SIM1: variants seen among roughly 807,000 people sequenced by gnomAD.
SIM1 encodes the protein single-minded homolog 1.
In SIM1, 18 loss-of-function variants were observed where a neutral mutation model predicts 78.2. The ratio of observed to expected loss-of-function variants is 0.23; its 90% CI spans 0.16 to 0.34. The LOEUF is 0.34. Ranked by LOEUF, SIM1 falls within the 10% of genes least tolerant of loss-of-function variation. The pLI, the probability that SIM1 is intolerant of heterozygous loss-of-function variation, is 1.00. For synonymous variants in SIM1, 417 were observed against 385.2 expected (o/e 1.08, Z -0.97); for missense variants, 939 against 975.1 (o/e 0.96, Z 0.49).
chr6:100,452,075 A>C (rs185394992), intron 3 of SIM1, among the ~76,000 whole-genome samples: 1 of 152,334 alleles, frequency 6.6e-6, no homozygotes, highest in Admixed American at 6.5e-5. Context: ...CAGGCCAACC[A>C]GTGGTGGGGA....
chr6:100,435,368 C>A (rs1180143813), intron 9 of SIM1, among the ~76,000 whole-genome samples: 1 of 152,128 alleles, frequency 6.6e-6, no homozygotes, highest in Non-Finnish European at 1.5e-5. Flanking sequence ...AGAAAGCATG[C>A]CAAAGAGGAA....
intron 9 of SIM1, among the ~76,000 whole-genome samples, chr6:100,443,948 GT>G (rs1772284599): frequency 6.6e-6 from 1 of 151,984 alleles, no homozygotes; most frequent in South Asian, 2.1e-4. Context: ...CAAAGTTTAT[GT>G]TTTAAAATAT....
chr6:100,448,644 T>C lies in SIM1; in HGVS notation c.578A>G (p.Gln193Arg), dbSNP rs770067759. 4.3e-6 allele frequency: 7 copies of C among 1,613,040 alleles called. No homozygotes were observed. The highest frequency in any genetic ancestry group is 3.3e-5 in the South Asian group (3 of 91,088). ...GAAGGGGGACATGTCCAGGCTGTAC[T>C]GGCGGATCTTCAAGTAGCCGCTGCA... The part of the protein sequence containing the change: ...IHCSGYLKIR[Q>R]YSLDMSPFDG... The change falls in exon 7 of 12, where the codon CAG (glutamine) becomes CGG (arginine). Residue 193 changes from glutamine to arginine, a missense_variant. By Grantham distance (43) the Gln-to-Arg change is conservative. Transcript: ENST00000369208.
At chr6:100,426,356 A>G (rs550219227) in intron 9 of SIM1, among the ~76,000 whole-genome samples, 182 of 152,344 alleles carry the variant, frequency 1.2e-3, no homozygotes, top group African/African-American at 4.3e-3. Context: ...TCATGTACAT[A>G]TTTGAAATAA....
Position 100,433,740 on chromosome 6 carries a change from C to CCACA in SIM1, c.999-12786_999-12783dup, listed in dbSNP as rs528530747. Among the ~76,000 whole-genome samples, 680 of 124,334 alleles carry CCACA rather than the reference C, an allele frequency of 5.5e-3. 1 individual carries two copies. The highest frequency in any genetic ancestry group is 0.014 in the African/African-American group (462 of 32,834). 81.6% of individuals were successfully genotyped at this position (124,334 alleles called of 152,430 possible). A position where few individuals can be genotyped will look rare whatever the true frequency, so the allele number is the denominator to read the frequency against. On this transcript the variant is annotated intron_variant, in intron 9 of 11. Coordinates refer to ENST00000369208, the MANE Select transcript of SIM1 (RefSeq NM_005068.3). Reference sequence around the variant, plus strand: ...AACAGATTAAGACCCACCCCCCCACCCACACACACACACACACACACACAC... The same window carrying CCACA: ...AACAGATTAAGACCCACCCCCCCACCCACACACACACACACACACACACACACAC...
At position 100,393,590 on chromosome 6, in the gene SIM1, C is replaced by G; in HGVS notation, c.1467G>C (p.Trp489Cys). ...LGTPQAGREP[W>C]WGSRAALPLT... ...GGGGCAAGGCTGCGCGAGAGCCCCA[C>G]CAGGGCTCCCTCCCGGCCTGCGGCG... The change falls in exon 11 of 12, where the codon TGG (tryptophan) becomes TGC (cysteine). Residue 489 changes from tryptophan (W) to cysteine (C), a missense_variant. By Grantham distance (215) the Trp-to-Cys change is radical. Coordinates refer to ENST00000369208, the MANE Select transcript of SIM1 (RefSeq NM_005068.3). The G allele has an allele frequency of 6.2e-7, 1 of 1,613,844 alleles. No homozygotes were observed. Among genetic ancestry groups the G allele is most frequent in the Non-Finnish European group, 8.5e-7 (1 of 1,179,740 alleles).
intron 10 of SIM1, among the ~76,000 whole-genome samples, chr6:100,404,141 TCAAA>T (rs1223105786): frequency 6.6e-6 from 1 of 152,182 alleles, no homozygotes; most frequent in Non-Finnish European, 1.5e-5. Context: ...CTCTAATCAC[TCAAA>T]CAGTCTCATA....
chr6:100,451,958 T>C (rs1001080056), intron 3 of SIM1, among the ~76,000 whole-genome samples: 1 of 152,140 alleles, frequency 6.6e-6, no homozygotes, highest in East Asian at 1.9e-4. Flanking sequence ...GTTGGTTTCA[T>C]GTAGAGAAAG....
intron 9 of SIM1, among the ~76,000 whole-genome samples, chr6:100,422,140 G>A (rs1335165297): frequency 6.6e-6 from 1 of 151,984 alleles, no homozygotes; most frequent in Non-Finnish European, 1.5e-5. Flanking sequence ...TCTCTAATGG[G>A]TTTGCCTTTT....
chr6:100,454,970 C>T (rs1284527558), intron 2 of SIM1, among the ~76,000 whole-genome samples: 3 of 152,058 alleles, frequency 2.0e-5, no homozygotes. Context: ...TTAACATGAC[C>T]TCCCCCATCC....
chr6:100,446,372 T>G (rs1257294456), intron 9 of SIM1, among the ~76,000 whole-genome samples: 1 of 152,116 alleles, frequency 6.6e-6, no homozygotes, highest in Non-Finnish European at 1.5e-5. Flanking sequence ...AAACAACCCA[T>G]GAGATCCCCT....
chr6:100,432,427 G>A (rs1771928001), intron 9 of SIM1, among the ~76,000 whole-genome samples: 2 of 152,104 alleles, frequency 1.3e-5, no homozygotes, highest in South Asian at 4.2e-4. Flanking sequence ...TGTTATCTGA[G>A]TGGTTGTTGT....
rs370591573 is a variant in SIM1 at position 100,393,057 on chromosome 6, A to G, written c.1570+430T>C. Among the ~76,000 whole-genome samples the G allele has an allele frequency of 1.3e-3, 203 of 152,330 alleles. 1 individual carries two copies. Among genetic ancestry groups the G allele is most frequent in the African/African-American group, 4.1e-3 (172 of 41,582 alleles). On this transcript the variant is annotated intron_variant, in intron 11 of 11. Transcript: ENST00000369208. ...ACATTTGAGATATGTGTGACTGTCC[A>G]TAAAACAAAGACTGGCCCTCTCCAA...
rs540345980 is a variant in SIM1 at position 100,390,489 on chromosome 6, C to T, written c.2173G>A (p.Glu725Lys). ...GYALEHLYDS[E>K]TIRNYSLGCN... ...CCCAAGGAATAGTTTCTAATGGTTTCGCTGTCATATAAGTGCTCCAGGGCA... is the reference window on the plus strand; with the variant it reads ...CCCAAGGAATAGTTTCTAATGGTTTTGCTGTCATATAAGTGCTCCAGGGCA... Residue 725 changes from glutamate to lysine, a missense_variant, in exon 12 of 12, where the codon GAA becomes AAA. Coordinates refer to ENST00000369208, the MANE Select transcript of SIM1 (RefSeq NM_005068.3). The T allele has an allele frequency of 2.7e-5, 44 of 1,614,066 alleles. No homozygotes were observed. The highest frequency in any genetic ancestry group is 1.1e-4 in the African/African-American group (8 of 74,988).
At position 100,450,179 on chromosome 6, in the gene SIM1, C is replaced by G. The variant is rs948772527; in HGVS notation, c.348+88G>C. 47 of 1,055,558 alleles carry G rather than the reference C, an allele frequency of 4.5e-5. No homozygotes were observed. In the African/African-American group the frequency reaches 6.1e-4, roughly 14 times the overall value. The allele number at this position is 1,055,558 out of a possible 1,614,324, so 65.4% of individuals were successfully genotyped here. On this transcript the variant is annotated intron_variant, in intron 4 of 11. Transcript: ENST00000369208. Reference sequence around the variant, plus strand: ...ATGTCCAGCTCCAGGTTTAGAGAAGCACACCCAGCCCCCAACCCAGCCCCC... The same window carrying G: ...ATGTCCAGCTCCAGGTTTAGAGAAGGACACCCAGCCCCCAACCCAGCCCCC...
chr6:100,448,127 G>C lies in SIM1; in HGVS notation c.850+19C>G. 1 of 1,597,720 alleles carries C rather than the reference G, an allele frequency of 6.3e-7. No individual in the cohort carries two copies. Among genetic ancestry groups the C allele is most frequent in the Non-Finnish European group, 8.6e-7 (1 of 1,169,464 alleles). On this transcript the variant is annotated intron_variant, in intron 8 of 11. Coordinates refer to ENST00000369208, the MANE Select transcript of SIM1 (RefSeq NM_005068.3). Reference sequence around the variant, plus strand: ...GATGCGCCAAGGTTGCTAGGGTACGGGGCAGGGTGGCGCCTTACGCAAATG... The same window carrying C: ...GATGCGCCAAGGTTGCTAGGGTACGCGGCAGGGTGGCGCCTTACGCAAATG...
At chr6:100,422,989 G>A (rs905139194) in intron 9 of SIM1, among the ~76,000 whole-genome samples, 7 of 152,142 alleles carry the variant, frequency 4.6e-5, no homozygotes, top group African/African-American at 1.7e-4. Context: ...TCCACTCAAT[G>A]CAAGCTTTCT....
rs754370583 is a variant in SIM1, at chr6:100,393,490, G to A, written c.1567C>T (p.His523Tyr). Residue 523 changes from histidine (H) to tyrosine (Y), a missense_variant, in exon 11 of 12, where the codon CAT (histidine) becomes TAT (tyrosine). Around this residue, in one of 5 missense-constraint regions of SIM1, gnomAD observed 556 missense variants for 521.9 expected, o/e 1.07. Transcript: ENST00000369208. The stretch of plus-strand genomic sequence containing the variant: ...GAACCCTTTCACCTGCTCTTACCAT[G>A]GATCCTGTGGACTGAAGCGATGTGA... ...MPHIASVHRI[H>Y]GRGHWDEDSV... 5.9e-6 allele frequency: 9 copies of A among 1,524,798 alleles called. No individual in the cohort carries two copies. The Admixed American group carries it at 1.9e-4, about 32-fold the overall frequency. The allele number at this position is 1,524,798 out of a possible 1,614,324, so 94.5% of individuals were successfully genotyped here. A position where few individuals can be genotyped will look rare whatever the true frequency, so the allele number is the denominator to read the frequency against.
At chr6:100,448,290 G>T (rs772292124) in intron 7 of SIM1, 38 bp from the exon 8 acceptor site, 1 of 1,531,700 alleles carries the variant, frequency 6.5e-7, no homozygotes, top group Non-Finnish European at 9.0e-7. Context: ...ATGCAGGCGC[G>T]GGTGCAGGGA....
Sources: gnomAD v4.1 joint callset for allele counts (sites outside exome capture counted in the v4.1 genomes callset) on GRCh38, gnomAD v4.1.1 for gene constraint, gnomAD v4.1.1 regional missense constraint, MANE v1.5 for transcripts, NCBI Gene and HGNC (gene_info 2026-07-23, HGNC 2026-07-21) for gene names.